The following NMI variants were observed in gnomAD, a reference collection of about 807,000 sequenced individuals.
NMI encodes N-myc-interactor.
Under a neutral mutation model 34.3 loss-of-function variants are expected in NMI, and 39 were observed. The observed-to-expected ratio is 1.14, with a 90% CI of 0.88 to 1.49. The LOEUF is 1.49. NMI is among the 40% of genes most tolerant of loss of function. NMI has a pLI of 0.00. For synonymous variants in NMI, 113 were observed against 120.3 expected (o/e 0.94, Z 0.40); for missense variants, 339 against 358.1 (o/e 0.95, Z 0.43).
chr2:151,274,090 C>T (rs1322423615), intron 6 of NMI, among the ~76,000 whole-genome samples: 2 of 151,824 alleles, frequency 1.3e-5, no homozygotes, highest in South Asian at 2.1e-4. Context: ...TGCTTGTAAT[C>T]CCAGCACTTT....
At chr2:151,279,469 A>G (rs1239965928) in intron 3 of NMI, among the ~76,000 whole-genome samples, 1 of 150,586 alleles carries the variant, frequency 6.6e-6, no homozygotes, top group Non-Finnish European at 1.5e-5. Flanking sequence ...AGAATTAGAT[A>G]ATTTTATTTA....
intron 6 of NMI, among the ~76,000 whole-genome samples, chr2:151,272,195 A>G (rs1264394989): frequency 6.6e-6 from 1 of 152,240 alleles, no homozygotes; most frequent in African/African-American, 2.4e-5. Flanking sequence ...AGGGGATTGA[A>G]TGTCATCTAG....
At chr2:151,280,530 T>A (rs902335284) in intron 3 of NMI, among the ~76,000 whole-genome samples, 2 of 152,218 alleles carry the variant, frequency 1.3e-5, no homozygotes, top group Non-Finnish European at 2.9e-5. Flanking sequence ...CAGTATATGC[T>A]GAGGAGCAAG....
In NMI at chr2:151,281,994, A is replaced by G. The variant is rs778854658; in HGVS notation, c.131T>C (p.Ile44Thr). Residue 44 changes from isoleucine to threonine, a missense_variant, in exon 3 of 8, where the codon ATC (isoleucine) becomes ACC (threonine). Ile to Thr is a moderately conservative substitution (Grantham distance 89). Transcript: ENST00000243346. ...TKKNIQLKKE[I>T]QKLETELQEA... ...TTGTAACTCCGTTTCAAGCTTTTGG[A>G]TCTCCTTCTTTAGTTGAATATTTTT... 6.4e-7 allele frequency: 1 copy of G among 1,563,646 alleles called. No individual in the cohort carries two copies. The highest frequency in any genetic ancestry group is 1.7e-5 in the Admixed American group (1 of 58,848).
chr2:151,286,038 A>AT (rs2105212714), intron 1 of NMI, among the ~76,000 whole-genome samples: 1 of 152,342 alleles, frequency 6.6e-6, no homozygotes, highest in Admixed American at 6.5e-5. Context: ...GAAGAAAGGA[A>AT]TTTTTAGTTA....
At position 151,275,612 on chromosome 2, in the gene NMI, C is replaced by T. The variant is rs534894310; in HGVS notation, c.506G>A (p.Arg169His). Residue 169 changes from arginine to histidine, a missense_variant, in exon 6 of 8, where the codon CGT becomes CAT. Physicochemically the swap from Arg to His is conservative, Grantham distance 29. Coordinates refer to ENST00000243346, the MANE Select transcript of NMI (RefSeq NM_004688.3). ...TAGTTTGTCTCTCATTTGATCTTCA[C>T]GCAATGTGTCAGGAATTTCAGTAAC... is the stretch of plus-strand genomic sequence containing the variant. ...INVTEIPDTLREDQMRDKLEL... is the reference protein window; with the variant it reads ...INVTEIPDTLHEDQMRDKLEL... 25 of 1,614,118 alleles carry T rather than the reference C, an allele frequency of 1.5e-5. No individual in the cohort carries two copies. The East Asian group carries it at 2.2e-4, about 14-fold the overall frequency.
chr2:151,270,824 T>C lies in NMI; in HGVS notation c.793A>G (p.Ile265Val), dbSNP rs143982400. The C allele has an allele frequency of 2.2e-5, 35 of 1,613,830 alleles. No homozygotes were observed. In the African/African-American group the frequency reaches 3.3e-4, roughly 15 times the overall value. Residue 265 changes from isoleucine (I) to valine (V), a missense_variant, in exon 8 of 8, where the codon ATT (isoleucine) becomes GTT (valine). Transcript: ENST00000243346. ...RTVLLTGMEG[I>V]QMDEEIVEDL... ...TCCACAATTTCTTCATCCATTTGAA[T>C]GCCTTCCATTCCTGTCAGAAGCACT...
chr2:151,271,802 C>T, intron 6 of NMI, 70 bp from the exon 7 acceptor site: 1 of 759,838 alleles, frequency 1.3e-6, no homozygotes, highest in Non-Finnish European at 2.3e-6. Context: ...GTTAAAACTT[C>T]CTTCAAAGAG....
chr2:151,275,926 G>T, intron 4 of NMI, 62 bp from the exon 5 acceptor site: 3 of 1,095,624 alleles, frequency 2.7e-6, no homozygotes, highest in Non-Finnish European at 2.7e-6. Flanking sequence ...TTATGCTTTT[G>T]GTTTAAGAAC....
intron 6 of NMI, among the ~76,000 whole-genome samples, chr2:151,274,855 G>GA (rs997535016): frequency 7.9e-5 from 12 of 151,704 alleles, no homozygotes; most frequent in African/African-American, 2.9e-4. Flanking sequence ...ACTTTGTCAT[G>GA]AAAAAATCTA....
chr2:151,285,473 A>C (rs1474288220), intron 1 of NMI, among the ~76,000 whole-genome samples: 1 of 151,924 alleles, frequency 6.6e-6, no homozygotes, highest in African/African-American at 2.4e-5. Flanking sequence ...CTGTAATCCT[A>C]GCTACTCGGG....
intron 3 of NMI, among the ~76,000 whole-genome samples, chr2:151,280,405 T>A (rs1243284375): frequency 6.6e-6 from 1 of 152,236 alleles, no homozygotes; most frequent in Non-Finnish European, 1.5e-5. Flanking sequence ...CTTACATTTA[T>A]TCTTTGCCTT....
chr2:151,271,694 A>G lies in NMI; in HGVS notation c.673T>C (p.Tyr225His). The G allele has an allele frequency of 6.3e-7, 1 of 1,583,564 alleles. No individual in the cohort carries two copies. Among genetic ancestry groups the G allele is most frequent in the African/African-American group, 1.3e-5 (1 of 74,316 alleles). The change falls in exon 7 of 8, where the codon TAT becomes CAT. Residue 225 changes from tyrosine (Y) to histidine (H), a missense_variant. Coordinates refer to ENST00000243346, the MANE Select transcript of NMI (RefSeq NM_004688.3). ...ACTCTATGGCAGGTTTGATTTATAT[A>G]AAGAGGGTATTCTTTCTTTTTCAAA... The part of the protein sequence containing the change: ...KILKKKEYPL[Y>H]INQTCHRVTV...
intron 6 of NMI, among the ~76,000 whole-genome samples, chr2:151,274,782 T>C (rs1683259856): frequency 6.6e-6 from 1 of 151,932 alleles, no homozygotes; most frequent in Non-Finnish European, 1.5e-5. Flanking sequence ...GGCCGAAATG[T>C]CTCATTTTTA....
At chr2:151,271,881 C>T in intron 6 of NMI, 149 bp from the exon 7 acceptor site, 1 of 564,428 alleles carries the variant, frequency 1.8e-6, no homozygotes, top group East Asian at 3.0e-5. Context: ...ACTTTGAAGA[C>T]TTCACAGTAC....
intron 3 of NMI, among the ~76,000 whole-genome samples, chr2:151,281,355 C>T (rs1369043841): frequency 6.6e-6 from 1 of 152,292 alleles, no homozygotes; most frequent in East Asian, 1.9e-4. Context: ...TTTGATCCAA[C>T]AGTAATTTGC....
intron 1 of NMI, among the ~76,000 whole-genome samples, chr2:151,287,163 G>A (rs1209314900): frequency 6.6e-6 from 1 of 152,004 alleles, no homozygotes; most frequent in Non-Finnish European, 1.5e-5. Flanking sequence ...AATGAAAGAT[G>A]ATAGGTCACC....
At chr2:151,270,995 G>A in intron 7 of NMI, 120 bp from the exon 8 acceptor site, 1 of 832,862 alleles carries the variant, frequency 1.2e-6, no homozygotes, top group African/African-American at 1.7e-5. Flanking sequence ...GAAATCTTAG[G>A]AAGATTTTCC....
chr2:151,287,807 C>T (rs2161841), intron 1 of NMI, among the ~76,000 whole-genome samples: 24,326 of 152,194 alleles, frequency 0.16, 2,417 homozygotes, highest in African/African-American at 0.27. Context: ...TAAGCTTACA[C>T]ACTGAAAACA....
Sources: gnomAD v4.1 joint callset for allele counts (sites outside exome capture counted in the v4.1 genomes callset) on GRCh38, gnomAD v4.1.1 for gene constraint, MANE v1.5 for transcripts, NCBI Gene and HGNC (gene_info 2026-07-23, HGNC 2026-07-21) for gene names.